Variants in RELN observed in about 807,000 individuals in gnomAD.
RELN encodes reelin.
RELN carries 108 observed loss-of-function variants against 427.6 expected under a neutral mutation model. The observed-to-expected ratio is 0.25, with a 90% CI of 0.22 to 0.30. The LOEUF (loss-of-function observed/expected upper bound fraction) is 0.30. Among genes scored for constraint, RELN ranks in the 10% least tolerant of loss-of-function variants. The pLI, the probability that RELN is intolerant of heterozygous loss-of-function variation, is 1.00. For synonymous variants in RELN, 1,524 were observed against 1,513.4 expected (o/e 1.01, Z -0.16); for missense variants, 3,715 against 4,302.8 (o/e 0.86, Z 3.82).
At chr7:103,623,697 T>C (rs1261594517) in intron 20 of RELN, among the ~76,000 whole-genome samples, 1 of 152,222 alleles carries the variant, frequency 6.6e-6, no homozygotes, top group Non-Finnish European at 1.5e-5. Context: ...CCTATTTCAA[T>C]AAATTAACCA....
In RELN at chr7:103,968,971, A is replaced by G. The variant is rs1447356169; in HGVS notation, c.226+20160T>C. On this transcript the variant is annotated intron_variant, in intron 1 of 64. Coordinates refer to ENST00000428762, the MANE Select transcript of RELN (RefSeq NM_005045.4). This position sits in a 1 kb window ranked among gnomAD's most constrained non-coding sequence, Gnocchi z 4.3. Reference sequence around the variant, plus strand: ...TTAACTTGACATTTTATAGGTTTCAATACCTCTCTGTGCCTTCATTATCTC... The same window carrying G: ...TTAACTTGACATTTTATAGGTTTCAGTACCTCTCTGTGCCTTCATTATCTC... 6.6e-6 allele frequency among the ~76,000 whole-genome samples: 1 copy of G among 152,194 alleles called. No homozygotes were observed. Among genetic ancestry groups the G allele is most frequent in the Non-Finnish European group, 1.5e-5 (1 of 68,030 alleles).
At chr7:103,720,050 G>C in intron 8 of RELN, among the ~76,000 whole-genome samples, 1 of 151,704 alleles carries the variant, frequency 6.6e-6, no homozygotes, top group South Asian at 2.1e-4. Context: ...GTGTGTATAT[G>C]TATATATACA....
chr7:103,843,225 G>C (rs1793596999), intron 2 of RELN, among the ~76,000 whole-genome samples: 2 of 151,332 alleles, frequency 1.3e-5, no homozygotes, highest in Non-Finnish European at 2.9e-5. Context: ...TTTTTTAGGA[G>C]ACAGGGTCTT....
chr7:103,857,921 T>G (rs1457030396), intron 2 of RELN, among the ~76,000 whole-genome samples: 1 of 152,204 alleles, frequency 6.6e-6, no homozygotes, highest in Non-Finnish European at 1.5e-5. Context: ...ATTTTTTACA[T>G]TTCTCTCTAG....
chr7:103,822,012 G>A (rs894231472), intron 3 of RELN, among the ~76,000 whole-genome samples: 19 of 151,950 alleles, frequency 1.3e-4, no homozygotes, highest in South Asian at 2.1e-4. Context: ...ATTGTGAGGC[G>A]CTAAAATAGA....
chr7:103,966,834 T>TA, intron 1 of RELN, among the ~76,000 whole-genome samples: 1 of 152,346 alleles, frequency 6.6e-6, no homozygotes, highest in Middle Eastern at 3.4e-3. Context: ...ATACACTGAA[T>TA]AAATCCTCAA....
intron 3 of RELN, among the ~76,000 whole-genome samples, chr7:103,788,443 T>C (rs1181622309): frequency 6.6e-6 from 1 of 152,134 alleles, no homozygotes; most frequent in African/African-American, 2.4e-5. Context: ...GAAAACCCCA[T>C]CGTCTCAGCC....
Position 103,630,099 on chromosome 7 carries a change from G to C in RELN, c.2543C>G (p.Ser848Cys). The stretch of plus-strand genomic sequence containing the variant: ...AATAGCCCATACATCTTCTCTCTGG[G>C]AAGAATGATACGGTTGCCACCATCT... ...QFRWWQPYHS[S>C]QREDVWAIDE... Residue 848 changes from serine (S) to cysteine (C), a missense_variant, in exon 20 of 65, where the codon TCC becomes TGC. Ser to Cys is a moderately radical substitution (Grantham distance 112, BLOSUM62 -1). Transcript: ENST00000428762. The C allele has an allele frequency of 6.2e-7, 1 of 1,613,660 alleles. No individual in the cohort carries two copies. Among genetic ancestry groups the C allele is most frequent in the Non-Finnish European group, 8.5e-7 (1 of 1,179,770 alleles).
rs147919174 is a variant in RELN at position 103,805,668 on chromosome 7, G to A, written c.473+27869C>T. ...GGTGCTCACTTAATCTTGGAGATGT[G>A]CAAGATTGTTCACATTTTGCTGGGT... On this transcript the variant is annotated intron_variant, in intron 3 of 64. Coordinates refer to ENST00000428762, the MANE Select transcript of RELN (RefSeq NM_005045.4). Among the ~76,000 whole-genome samples, 179 of 152,264 alleles carry A rather than the reference G, an allele frequency of 1.2e-3. 3 individuals are homozygous for A. Among genetic ancestry groups the A allele is most frequent in the African/African-American group, 4.1e-3 (171 of 41,566 alleles).
intron 3 of RELN, among the ~76,000 whole-genome samples, chr7:103,810,051 T>C (rs1038219230): frequency 2.6e-5 from 4 of 152,208 alleles, no homozygotes; most frequent in African/African-American, 4.8e-5. Context: ...AGAAAATCTC[T>C]ACTTTTAATA....
chr7:103,671,731 CT>C (rs1300260166), intron 11 of RELN, among the ~76,000 whole-genome samples: 6 of 152,090 alleles, frequency 3.9e-5, no homozygotes, highest in Non-Finnish European at 5.9e-5. Flanking sequence ...CAAGGATATA[CT>C]TAGCAAAAGA....
chr7:103,616,353 G>T (rs1276895370), intron 20 of RELN, among the ~76,000 whole-genome samples: 1 of 151,954 alleles, frequency 6.6e-6, no homozygotes, highest in East Asian at 1.9e-4. Context: ...TTCTTTTATT[G>T]GTTATGTTCT....
chr7:103,872,030 A>ATTT (rs1554434458), intron 2 of RELN, among the ~76,000 whole-genome samples: 8 of 138,450 alleles, frequency 5.8e-5, no homozygotes, highest in African/African-American at 2.1e-4. Flanking sequence ...ATATATATAT[A>ATTT]TTTTTCTTTT....
At chr7:103,941,242 T>C (rs1796108198) in intron 1 of RELN, among the ~76,000 whole-genome samples, 1 of 152,234 alleles carries the variant, frequency 6.6e-6, no homozygotes, top group Non-Finnish European at 1.5e-5. Flanking sequence ...TTCAAGTTTC[T>C]ACTAGACTTA....
At chr7:103,531,620 A>G (rs1829942140) in intron 46 of RELN, among the ~76,000 whole-genome samples, 1 of 152,060 alleles carries the variant, frequency 6.6e-6, no homozygotes, top group Admixed American at 6.5e-5. Flanking sequence ...ATTGCCTCCC[A>G]TGTCTCTTGA....
intron 50 of RELN, among the ~76,000 whole-genome samples, chr7:103,512,279 A>G (rs1829444841): frequency 6.6e-6 from 1 of 152,220 alleles, no homozygotes; most frequent in Admixed American, 6.5e-5. Context: ...TAAGTCCTAT[A>G]ATGTGAAGCC....
intron 3 of RELN, among the ~76,000 whole-genome samples, chr7:103,828,060 T>G (rs1436131397): frequency 1.3e-5 from 2 of 152,024 alleles, no homozygotes; most frequent in African/African-American, 4.8e-5. Context: ...CCTGATCTTA[T>G]TTCAAATGTT....
At chr7:103,888,362 G>A (rs1441336464) in intron 2 of RELN, among the ~76,000 whole-genome samples, 3 of 152,036 alleles carry the variant, frequency 2.0e-5, no homozygotes, top group Non-Finnish European at 4.4e-5. Flanking sequence ...CACCTTACCA[G>A]GCAACTTTAT....
intron 1 of RELN, among the ~76,000 whole-genome samples, chr7:103,945,826 A>C (rs546990768): frequency 2.6e-5 from 4 of 152,048 alleles, no homozygotes; most frequent in African/African-American, 4.8e-5. Flanking sequence ...ACAAACATTT[A>C]CCATTATGTT....
Sources: gnomAD v4.1 joint callset for allele counts (sites outside exome capture counted in the v4.1 genomes callset) on GRCh38, gnomAD v4.1.1 for gene constraint, Gnocchi (gnomAD v3.1) non-coding constraint, MANE v1.5 for transcripts, NCBI Gene and HGNC (gene_info 2026-07-23, HGNC 2026-07-21) for gene names.